Variants in SGF29 observed in about 807,000 individuals in gnomAD.
The protein encoded by SGF29 is SAGA complex associated factor 29, also known as SAGA-associated factor 29.
SGF29 carries 15 observed loss-of-function variants against 38.1 expected under a neutral mutation model. The ratio of observed to expected loss-of-function variants is 0.39; its 90% CI spans 0.26 to 0.61. The LOEUF (loss-of-function observed/expected upper bound fraction) is 0.61, where lower values mean the gene tolerates loss of function less well. SGF29 is among the 20% of genes least tolerant of loss of function. SGF29 has a pLI of 0.49. For synonymous variants in SGF29, 151 were observed against 160.8 expected (o/e 0.94, Z 0.46); for missense variants, 184 against 394.6 (o/e 0.47, Z 4.52).
intron 9 of SGF29, among the ~76,000 whole-genome samples, chr16:28,591,184 A>AG (rs2046988405): frequency 6.6e-6 from 1 of 152,062 alleles, no homozygotes; most frequent in Non-Finnish European, 1.5e-5. Flanking sequence ...CGAGATGGGA[A>AG]GCTCCTGCCC....
chr16:28,574,024 G>C (rs1294143036), intron 1 of SGF29, among the ~76,000 whole-genome samples: 1 of 152,192 alleles, frequency 6.6e-6, no homozygotes, highest in Non-Finnish European at 1.5e-5. Context: ...TTTTGTTACG[G>C]GTGGAAGGTA....
At position 28,590,805 on chromosome 16, in the gene SGF29, C is replaced by T. The variant is rs1408456821; in HGVS notation, c.635C>T (p.Pro212Leu). The T allele has an allele frequency of 2.5e-6, 4 of 1,613,950 alleles. No homozygotes were observed. The highest frequency in any genetic ancestry group is 1.7e-5 in the Admixed American group (1 of 59,992). The stretch of plus-strand genomic sequence containing the variant: ...ACCCTGAGCCGGCGCCGTGTCATCC[C>T]GCTGCCCCAGTGGAAGGCCAACCCG... ...RHTLSRRRVI[P>L]LPQWKANPET... is the part of the protein sequence containing the mutation. The change falls in exon 9 of 10, where the codon CCG becomes CTG. Residue 212 changes from proline to leucine, a missense_variant. By Grantham distance (98) the Pro-to-Leu change is moderately conservative (BLOSUM62 -3). Around this residue, in one of 2 missense-constraint regions of SGF29, gnomAD observed 107 missense variants for 276.9 expected, o/e 0.39. Coordinates refer to ENST00000317058, the MANE Select transcript of SGF29 (RefSeq NM_138414.3). The surrounding 1 kb of genome is among the most constrained non-coding windows in gnomAD (Gnocchi z 8.2).
intron 2 of SGF29, 115 bp from the exon 3 acceptor site, chr16:28,584,788 CAAAAAAAAAA>C (rs377573618): frequency 4.8e-6 from 2 of 418,032 alleles, no homozygotes; most frequent in East Asian, 4.1e-5. Flanking sequence ...GACTCCATCT[CAAAAAAAAAA>C]AAAAAAAAAG....
intron 1 of SGF29, among the ~76,000 whole-genome samples, chr16:28,565,507 T>C (rs2046830854): frequency 6.6e-6 from 1 of 152,010 alleles, no homozygotes; most frequent in African/African-American, 2.4e-5. Flanking sequence ...GTTTTTTGTT[T>C]TTTATTTTGA....
intron 1 of SGF29, among the ~76,000 whole-genome samples, chr16:28,566,206 A>G (rs925511153): frequency 6.6e-6 from 1 of 151,628 alleles, no homozygotes; most frequent in Non-Finnish European, 1.5e-5. Context: ...CCCGGGAGGC[A>G]GAGCTTGCAG....
At chr16:28,574,072 C>T (rs1251628858) in intron 1 of SGF29, among the ~76,000 whole-genome samples, 1 of 152,164 alleles carries the variant, frequency 6.6e-6, no homozygotes, top group Non-Finnish European at 1.5e-5. Flanking sequence ...GGGTTTGCAG[C>T]AATCTCACTT....
chr16:28,589,108 G>T lies in SGF29; in HGVS notation c.233G>T (p.Arg78Leu). 6.2e-7 allele frequency: 1 copy of T among 1,614,132 alleles called. No individual in the cohort carries two copies. Among genetic ancestry groups the T allele is most frequent in the Non-Finnish European group, 8.5e-7 (1 of 1,179,990 alleles). Residue 78 changes from arginine to leucine, a missense_variant, in exon 5 of 10, where the codon CGG becomes CTG. Arg to Leu is a moderately radical substitution (Grantham distance 102). Coordinates refer to ENST00000317058, the MANE Select transcript of SGF29 (RefSeq NM_138414.3). The part of the protein sequence containing the change: ...ADAEAECNIL[R>L]KALDKIAEIK... ...CTTCTCCCCGCCCTCAGCATCCTTC[G>T]GAAAGCTCTGGACAAGATCGCGGAA...
At chr16:28,570,838 A>G (rs1229162155) in intron 1 of SGF29, among the ~76,000 whole-genome samples, 1 of 152,086 alleles carries the variant, frequency 6.6e-6, no homozygotes, top group African/African-American at 2.4e-5. Flanking sequence ...TTGGTTTCCC[A>G]GAGTGTGGGA....
intron 1 of SGF29, among the ~76,000 whole-genome samples, chr16:28,566,063 G>A (rs1325747490): frequency 1.3e-5 from 2 of 151,414 alleles, no homozygotes; most frequent in African/African-American, 4.8e-5. Context: ...CACGAGGTTA[G>A]GAGATCGAGA....
rs375621739 is a variant in SGF29 at position 28,590,579 on chromosome 16, A to G, written c.567-52A>G. ...GGTCCTCCCCCATCCTCACTCCCCA[A>G]CAGGTACTGCGCCCCTGGCTGCATC... is the stretch of plus-strand genomic sequence containing the variant. On this transcript the variant is annotated intron_variant, in intron 7 of 9. Coordinates refer to ENST00000317058, the MANE Select transcript of SGF29 (RefSeq NM_138414.3). The surrounding 1 kb of genome is among the most constrained non-coding windows in gnomAD (Gnocchi z 8.2). The G allele has an allele frequency of 7.4e-6, 12 of 1,612,496 alleles. No individual in the cohort carries two copies. Among genetic ancestry groups the G allele is most frequent in the Admixed American group, 6.7e-5 (4 of 59,992 alleles).
At chr16:28,554,318 G>C (rs964580311) in intron 1 of SGF29, among the ~76,000 whole-genome samples, 1 of 151,716 alleles carries the variant, frequency 6.6e-6, no homozygotes. Flanking sequence ...CCGGCCGCTC[G>C]AGGTCTGCGC....
At chr16:28,560,972 A>G (rs1032268612) in intron 1 of SGF29, among the ~76,000 whole-genome samples, 1 of 151,836 alleles carries the variant, frequency 6.6e-6, no homozygotes, top group African/African-American at 2.4e-5. Context: ...AAAAAAAAAA[A>G]AAAAGGCAAT....
At chr16:28,555,652 G>GCC (rs1291099434) in intron 1 of SGF29, among the ~76,000 whole-genome samples, 2 of 152,204 alleles carry the variant, frequency 1.3e-5, no homozygotes, top group Non-Finnish European at 2.9e-5. Flanking sequence ...CAAGCTGGAA[G>GCC]CCCAGGAAAG....
chr16:28,562,789 A>C (rs2151642263), intron 1 of SGF29, among the ~76,000 whole-genome samples: 1 of 151,466 alleles, frequency 6.6e-6, no homozygotes, highest in East Asian at 2.0e-4. Flanking sequence ...CTATAGTCTC[A>C]GCTACTTGGG....
chr16:28,561,458 T>C (rs1251222632), intron 1 of SGF29, among the ~76,000 whole-genome samples: 1 of 151,172 alleles, frequency 6.6e-6, no homozygotes, highest in Non-Finnish European at 1.5e-5. Context: ...GCTTGAAACT[T>C]GGAGGTGGAG....
chr16:28,564,386 C>T (rs939719691), intron 1 of SGF29, among the ~76,000 whole-genome samples: 4 of 150,650 alleles, frequency 2.7e-5, no homozygotes, highest in East Asian at 3.9e-4. Flanking sequence ...AAGAGGATCC[C>T]GGAGCGATCT....
intron 1 of SGF29, among the ~76,000 whole-genome samples, chr16:28,580,271 C>A (rs1464121672): frequency 6.6e-6 from 1 of 152,184 alleles, no homozygotes; most frequent in African/African-American, 2.4e-5. Flanking sequence ...TAGCTTGCCA[C>A]TGTATTCATT....
At chr16:28,582,764 G>A (rs1157860537) in intron 2 of SGF29, among the ~76,000 whole-genome samples, 2 of 152,084 alleles carry the variant, frequency 1.3e-5, no homozygotes, top group Non-Finnish European at 2.9e-5. Flanking sequence ...GCCAAATGGC[G>A]AAACTCCATC....
At chr16:28,588,856 C>T (rs1188731501) in intron 4 of SGF29, among the ~76,000 whole-genome samples, 1 of 148,540 alleles carries the variant, frequency 6.7e-6, no homozygotes, top group Non-Finnish European at 1.5e-5. Context: ...CAGGCGTGAA[C>T]CACCACACCC....
Sources: gnomAD v4.1 joint callset for allele counts (sites outside exome capture counted in the v4.1 genomes callset) on GRCh38, gnomAD v4.1.1 for gene constraint, gnomAD v4.1.1 regional missense constraint, Gnocchi (gnomAD v3.1) non-coding constraint, MANE v1.5 for transcripts, NCBI Gene and HGNC (gene_info 2026-07-23, HGNC 2026-07-21) for gene names.